NALCN: variants seen among roughly 807,000 people sequenced by gnomAD.
NALCN encodes the protein sodium leak channel, non-selective, also known as sodium leak channel NALCN.
In NALCN, 111 loss-of-function variants were observed where a neutral mutation model predicts 225.3. That is an observed-to-expected ratio of 0.49 (90% CI 0.42 to 0.58). NALCN has a LOEUF of 0.58. NALCN is among the 20% of genes least tolerant of loss of function. The probability of loss-of-function intolerance (pLI) is 0.00; values close to 1 mark genes in which losing one functional copy is unlikely to be tolerated. For missense variants in NALCN, 1,378 were observed against 2,202.4 expected, an observed-to-expected ratio of 0.63 and a Z score of 7.49; for synonymous variants, 764 against 769.0, an observed-to-expected ratio of 0.99 and a Z score of 0.11.
intron 35 of NALCN, 126 bp from the exon 36 acceptor site, chr13:101,074,788 C>G (rs2033148213): frequency 1.7e-6 from 2 of 1,143,878 alleles, no homozygotes; most frequent in Non-Finnish European, 2.4e-6. Flanking sequence ...AGCAACTAAT[C>G]TTTAAGCAGA....
chr13:101,412,103 T>C (rs1357391918), intron 1 of NALCN, among the ~76,000 whole-genome samples: 1 of 152,354 alleles, frequency 6.6e-6, no homozygotes, highest in East Asian at 1.9e-4. Flanking sequence ...TCAGGCTATA[T>C]GTAGATGTTG....
intron 1 of NALCN, among the ~76,000 whole-genome samples, chr13:101,407,794 G>C (rs895780661): frequency 3.9e-5 from 6 of 152,080 alleles, no homozygotes; most frequent in African/African-American, 1.4e-4. Flanking sequence ...AAGAACTTTT[G>C]TACATTTCAC....
chr13:101,233,219 A>G (rs2041419237), intron 12 of NALCN, among the ~76,000 whole-genome samples: 1 of 152,014 alleles, frequency 6.6e-6, no homozygotes, highest in Non-Finnish European at 1.5e-5. Context: ...TCTGAAACAC[A>G]TTTTCCTGGT....
At chr13:101,122,267 G>C (rs957172373) in intron 18 of NALCN, among the ~76,000 whole-genome samples, 2 of 152,054 alleles carry the variant, frequency 1.3e-5, no homozygotes, top group East Asian at 1.9e-4. Context: ...AAACAAAATG[G>C]CTTTCTAAGA....
Position 101,104,474 on chromosome 13 carries a change from A to C in NALCN, c.2758-48T>G. 6.2e-7 allele frequency: 1 copy of C among 1,612,712 alleles called. No homozygotes were observed. Among genetic ancestry groups the C allele is most frequent in the Non-Finnish European group, 8.5e-7 (1 of 1,178,934 alleles). On this transcript the variant is annotated intron_variant, in intron 24 of 43. Transcript: ENST00000251127. The surrounding 1 kb of genome is among the most constrained non-coding windows in gnomAD (Gnocchi z 4.2). ...TGGTTACAATGAACGGAAAAACAGC[A>C]GGTCAGTATTTTACCTCCTAGTTGT...
intron 14 of NALCN, among the ~76,000 whole-genome samples, chr13:101,179,553 T>C (rs61974010): frequency 0.01 from 1,554 of 152,210 alleles, 18 homozygotes; most frequent in Middle Eastern, 0.02. Context: ...AAATGCTCCT[T>C]TTCTTTTTAG....
intron 37 of NALCN, among the ~76,000 whole-genome samples, chr13:101,069,721 C>T (rs1307691643): frequency 6.6e-6 from 1 of 152,154 alleles, no homozygotes; most frequent in Non-Finnish European, 1.5e-5. Flanking sequence ...GCTGGTTTAT[C>T]GAGTAATTTT....
rs865913775 is a variant in NALCN, at chr13:101,153,195, A to C, written c.1840-8299T>G. ...GGATTTCAGTGTTCTCAAATAAAAA[A>C]TGAGGATCTTTAGTCTTTCATATAA... On this transcript the variant is annotated intron_variant, in intron 15 of 43. Coordinates refer to ENST00000251127, the MANE Select transcript of NALCN (RefSeq NM_052867.4). 3.9e-5 allele frequency among the ~76,000 whole-genome samples: 6 copies of C among 152,352 alleles called. No individual in the cohort carries two copies. The South Asian group carries it at 8.3e-4, about 21-fold the overall frequency.
At chr13:101,196,214 C>A (rs970950512) in intron 13 of NALCN, among the ~76,000 whole-genome samples, 2 of 152,092 alleles carry the variant, frequency 1.3e-5, no homozygotes, top group Non-Finnish European at 2.9e-5. Context: ...GATTTTCTGA[C>A]TATTTCTCAC....
intron 9 of NALCN, among the ~76,000 whole-genome samples, chr13:101,290,385 C>T (rs1160329722): frequency 6.6e-6 from 1 of 152,190 alleles, no homozygotes; most frequent in East Asian, 1.9e-4. Context: ...AAAGTCATAA[C>T]TGAAAACATG....
At chr13:101,337,276 TATTATTTA>T (rs1315946241) in intron 7 of NALCN, among the ~76,000 whole-genome samples, 35 of 141,316 alleles carry the variant, frequency 2.5e-4, no homozygotes, top group African/African-American at 9.7e-4. Context: ...ATTTACTCTT[TATTATTTA>T]TTTATTTATT....
intron 42 of NALCN, chr13:101,058,388 G>A (rs757924131): frequency 1.0e-4 from 22 of 214,760 alleles, no homozygotes; most frequent in Admixed American, 1.6e-4. Flanking sequence ...GGGAACTGCA[G>A]GAAGGAAGGT....
intron 14 of NALCN, among the ~76,000 whole-genome samples, chr13:101,188,081 C>G (rs187770719): frequency 6.6e-6 from 1 of 151,884 alleles, no homozygotes; most frequent in Non-Finnish European, 1.5e-5. Flanking sequence ...TAAGTGGGCA[C>G]GATACATAAA....
At chr13:101,142,853 G>A (rs143070309) in intron 17 of NALCN, 197 of 511,396 alleles carry the variant, frequency 3.9e-4, no homozygotes, top group African/African-American at 3.5e-3. Context: ...TTACAAAGTC[G>A]CATGGCTGCC....
chr13:101,308,184 T>G (rs928043050), intron 7 of NALCN, among the ~76,000 whole-genome samples: 1 of 152,236 alleles, frequency 6.6e-6, no homozygotes, highest in Non-Finnish European at 1.5e-5. Flanking sequence ...CTTTGGTTAT[T>G]TAAGCCTGTA....
chr13:101,233,207 T>C (rs1270402224), intron 12 of NALCN, among the ~76,000 whole-genome samples: 1 of 152,184 alleles, frequency 6.6e-6, no homozygotes, highest in East Asian at 1.9e-4. Context: ...GAACATTTTG[T>C]CTCTGAAACA....
At chr13:101,116,570 G>A (rs761014464) in intron 18 of NALCN, 1 of 514,832 alleles carries the variant, frequency 1.9e-6, no homozygotes, top group Non-Finnish European at 3.9e-6. Context: ...CCAGAACAAG[G>A]GTGTGGAAAA....
chr13:101,105,483 G>A (rs909865336), intron 22 of NALCN, among the ~76,000 whole-genome samples: 1 of 150,950 alleles, frequency 6.6e-6, no homozygotes, highest in African/African-American at 2.4e-5. Flanking sequence ...TACAGTCTTT[G>A]TGTATGTGTC....
At chr13:101,335,936 G>A (rs1033983526) in intron 7 of NALCN, among the ~76,000 whole-genome samples, 5 of 151,898 alleles carry the variant, frequency 3.3e-5, no homozygotes, top group African/African-American at 1.2e-4. Context: ...TCAATTTTTA[G>A]CAGCAGCATC....
Sources: allele counts gnomAD v4.1 joint callset (sites outside exome capture counted in the v4.1 genomes callset), GRCh38; gene constraint gnomAD v4.1.1; non-coding constraint Gnocchi (gnomAD v3.1); transcripts MANE v1.5; gene names NCBI Gene and HGNC (gene_info 2026-07-23, HGNC 2026-07-21).